Variants in TECRL observed in about 807,000 individuals in gnomAD.
The protein encoded by TECRL is trans-2,3-enoyl-CoA reductase like, also known as trans-2,3-enoyl-CoA reductase-like.
A neutral mutation model predicts 52.8 loss-of-function variants in TECRL; 63 were observed. The ratio of observed to expected loss-of-function variants is 1.19; its 90% CI spans 0.97 to 1.47. TECRL has a LOEUF of 1.47. TECRL is among the 40% of genes most tolerant of loss of function. The pLI is 0.00. For missense variants in TECRL, 482 were observed against 429.6 expected (o/e 1.12, Z -1.08); for synonymous variants, 164 against 141.9 (o/e 1.16, Z -1.10).
At chr4:64,329,772 TAATA>T (rs899203604) in intron 2 of TECRL, among the ~76,000 whole-genome samples, 2 of 151,788 alleles carry the variant, frequency 1.3e-5, no homozygotes, top group Non-Finnish European at 1.5e-5. Flanking sequence ...TTTACAATAA[TAATA>T]AATAAATACC....
At chr4:64,364,916 A>C (rs1721487896) in intron 2 of TECRL, among the ~76,000 whole-genome samples, 1 of 151,982 alleles carries the variant, frequency 6.6e-6, no homozygotes, top group Admixed American at 6.6e-5. Context: ...TGAGGCCAGC[A>C]TTATTCCGAT....
At chr4:64,343,185 A>G (rs1368916540) in intron 2 of TECRL, among the ~76,000 whole-genome samples, 1 of 152,166 alleles carries the variant, frequency 6.6e-6, no homozygotes, top group Non-Finnish European at 1.5e-5. Context: ...ATACATTTCT[A>G]AGACAGAGCA....
intron 2 of TECRL, among the ~76,000 whole-genome samples, chr4:64,358,802 AC>A (rs1311171263): frequency 6.6e-6 from 1 of 151,866 alleles, no homozygotes; most frequent in African/African-American, 2.4e-5. Flanking sequence ...TTATTGAGAT[AC>A]AATATAGCAC....
chr4:64,325,544 C>A (rs1211792383), intron 3 of TECRL, among the ~76,000 whole-genome samples: 1 of 152,076 alleles, frequency 6.6e-6, no homozygotes, highest in Non-Finnish European at 1.5e-5. Flanking sequence ...TTTTTTTATA[C>A]TGCTAAATTT....
At chr4:64,280,380 T>C (rs911048037) in intron 11 of TECRL, among the ~76,000 whole-genome samples, 181 bp from the exon 12 acceptor site, 2 of 151,996 alleles carry the variant, frequency 1.3e-5, no homozygotes, top group Non-Finnish European at 2.9e-5. Flanking sequence ...CATGAATGAG[T>C]AAACACAGAA....
intron 2 of TECRL, among the ~76,000 whole-genome samples, chr4:64,355,717 G>A (rs958001761): frequency 2.0e-4 from 30 of 150,642 alleles, no homozygotes; most frequent in Non-Finnish European, 3.4e-4. Flanking sequence ...ATGGCGTGAA[G>A]CTGGGAGGCG....
downstream of TECRL, chr4:64,277,078 T>TA (rs1352589758): frequency 3.3e-5 from 48 of 1,468,136 alleles, no homozygotes; most frequent in Non-Finnish European, 4.0e-5. Flanking sequence ...GAAATAAATT[T>TA]AAAAAACACA....
intron 2 of TECRL, among the ~76,000 whole-genome samples, chr4:64,346,037 AAC>A (rs889261865): frequency 2.6e-4 from 40 of 151,968 alleles, no homozygotes; most frequent in African/African-American, 9.2e-4. Flanking sequence ...AACACACACA[AAC>A]ACACACAGGC....
chr4:64,333,758 C>A (rs901268950), intron 2 of TECRL, among the ~76,000 whole-genome samples: 1 of 127,136 alleles, frequency 7.9e-6, no homozygotes, highest in African/African-American at 3.6e-5. Flanking sequence ...CGGTGGCTCA[C>A]GCCTGTAATC....
rs541329623 is a variant in TECRL, at chr4:64,281,388, A to G, written c.918+86T>C. On this transcript the variant is annotated intron_variant, in intron 10 of 11. Coordinates refer to ENST00000381210, the MANE Select transcript of TECRL (RefSeq NM_001010874.5). ...CCTCTATATTTTTCCTGTATATATTAATTTATAATACATGTAAATACATAA... is the reference window on the plus strand; with the variant it reads ...CCTCTATATTTTTCCTGTATATATTGATTTATAATACATGTAAATACATAA... The G allele has an allele frequency of 4.9e-5, 39 of 796,534 alleles. No individual in the cohort carries two copies. In the African/African-American group the frequency reaches 5.9e-4, roughly 12 times the overall value. The allele number at this position is 796,534 out of a possible 1,614,324, so 49.3% of individuals were successfully genotyped here. A position where few individuals can be genotyped will look rare whatever the true frequency, so the allele number is the denominator to read the frequency against.
chr4:64,300,332 T>C (rs1447193111), intron 7 of TECRL, among the ~76,000 whole-genome samples: 1 of 150,818 alleles, frequency 6.6e-6, no homozygotes. Flanking sequence ...GCCAAGCATA[T>C]AATGGCACCA....
chr4:64,407,224 C>T lies in TECRL; in HGVS notation c.234+1894G>A, dbSNP rs540867256. On this transcript the variant is annotated intron_variant, in intron 1 of 11. Coordinates refer to ENST00000381210, the MANE Select transcript of TECRL (RefSeq NM_001010874.5). ...TATCCAGTGTTAATCCTCTATTTAG[C>T]CTGCTAAGTTTCTATAAAGATCTGC... is the stretch of plus-strand genomic sequence containing the variant. 2.6e-5 allele frequency among the ~76,000 whole-genome samples: 4 copies of T among 152,054 alleles called. No individual in the cohort carries two copies. The East Asian group carries it at 5.8e-4, about 22-fold the overall frequency.
rs1161940429 is a variant in TECRL, at chr4:64,355,794, C to CAAA, written c.286+19375_286+19377dup. Among the ~76,000 whole-genome samples, 10 of 119,730 alleles carry CAAA rather than the reference C, an allele frequency of 8.4e-5. 2 individuals are homozygous for CAAA. Among genetic ancestry groups the CAAA allele is most frequent in the Non-Finnish European group, 1.0e-4 (6 of 58,702 alleles). The allele number at this position is 119,730 out of a possible 152,430, so 78.5% of individuals were successfully genotyped here. ...TGGGCAACAGAGTGAGACTCTGTCTCAAAAAAAAAAAAGAATAAGTTAAAA... is the reference window on the plus strand; with the variant it reads ...TGGGCAACAGAGTGAGACTCTGTCTCAAAAAAAAAAAAAAAGAATAAGTTAAAA... On this transcript the variant is annotated intron_variant, in intron 2 of 11. Transcript: ENST00000381210.
intron 2 of TECRL, among the ~76,000 whole-genome samples, chr4:64,357,165 A>G (rs901660368): frequency 1.3e-5 from 2 of 152,110 alleles, no homozygotes; most frequent in Non-Finnish European, 2.9e-5. Flanking sequence ...AAGCTCTGTC[A>G]ATGTAAATGT....
rs567157512 is a variant in TECRL, at chr4:64,284,145, G to A, written c.833-2586C>T. Among the ~76,000 whole-genome samples, 57 of 152,054 alleles carry A rather than the reference G, an allele frequency of 3.7e-4. 1 individual carries two copies. Among genetic ancestry groups the A allele is most frequent in the South Asian group, 3.3e-3 (16 of 4,824 alleles). On this transcript the variant is annotated intron_variant, in intron 9 of 11. Coordinates refer to ENST00000381210, the MANE Select transcript of TECRL (RefSeq NM_001010874.5). ...TGAATAAAGATTTGTTTATGTTTTTGGAGCACTGTCCTGGAATATAGGAGT... is the reference window on the plus strand; with the variant it reads ...TGAATAAAGATTTGTTTATGTTTTTAGAGCACTGTCCTGGAATATAGGAGT...
intron 1 of TECRL, among the ~76,000 whole-genome samples, chr4:64,379,329 T>A (rs1403593306): frequency 1.3e-5 from 2 of 150,288 alleles, no homozygotes; most frequent in African/African-American, 4.9e-5. Context: ...CACCATGTAG[T>A]CATATTTTAA....
rs948663957 is a variant in TECRL at position 64,394,909 on chromosome 4, T to A, written c.234+14209A>T. 5.2e-3 allele frequency among the ~76,000 whole-genome samples: 397 copies of A among 76,268 alleles called. 5 individuals carry two copies. Among genetic ancestry groups the A allele is most frequent in the Admixed American group, 0.047 (334 of 7,166 alleles). The allele number at this position is 76,268 out of a possible 152,430, so 50.0% of individuals were successfully genotyped here. On this transcript the variant is annotated intron_variant, in intron 1 of 11. Transcript: ENST00000381210. ...TACAAGTCAAAAAATTAACAAGCAT[T>A]TTTTTTTTTTTTTTTTTTTTTGAGA... is the stretch of plus-strand genomic sequence containing the variant.
At chr4:64,372,938 A>T (rs1021925941) in intron 2 of TECRL, among the ~76,000 whole-genome samples, 1 of 151,514 alleles carries the variant, frequency 6.6e-6, no homozygotes, top group African/African-American at 2.4e-5. Context: ...ATCCAATGTT[A>T]TCTAGTTTTA....
intron 2 of TECRL, among the ~76,000 whole-genome samples, chr4:64,366,872 C>T (rs191815015): frequency 8.8e-4 from 130 of 146,966 alleles, no homozygotes; most frequent in Non-Finnish European, 1.4e-3. Flanking sequence ...TTTGGCCCAG[C>T]AATACCGTTA....
Sources: gnomAD v4.1 joint callset for allele counts (sites outside exome capture counted in the v4.1 genomes callset) on GRCh38, gnomAD v4.1.1 for gene constraint, MANE v1.5 for transcripts, NCBI Gene and HGNC (gene_info 2026-07-23, HGNC 2026-07-21) for gene names.